ADAM2: variants seen among roughly 807,000 people sequenced by gnomAD.
ADAM2 encodes the protein ADAM metallopeptidase domain 2.
A neutral mutation model predicts 99.3 loss-of-function variants in ADAM2; 101 were observed. The observed-to-expected ratio is 1.02, with a 90% CI of 0.87 to 1.20. ADAM2 has a LOEUF of 1.20. ADAM2 is among the 50% of genes most tolerant of loss of function. ADAM2 has a pLI of 0.00. For missense variants in ADAM2, 948 were observed against 878.7 expected (o/e 1.08, Z -1.00); for synonymous variants, 323 against 287.6 (o/e 1.12, Z -1.25).
intron 6 of ADAM2, among the ~76,000 whole-genome samples, chr8:39,818,255 G>T (rs143058689): frequency 1.3e-5 from 2 of 152,106 alleles, no homozygotes; most frequent in African/African-American, 4.8e-5. Flanking sequence ...TGGATACAAG[G>T]TTAGTTTAAT....
intron 3 of ADAM2, among the ~76,000 whole-genome samples, 157 bp downstream of exon 3, chr8:39,833,787 A>C (rs972228928): frequency 7.2e-5 from 11 of 152,156 alleles, no homozygotes; most frequent in African/African-American, 2.7e-4. Context: ...AGTTCTAGGT[A>C]TGTATCATAT....
chr8:39,788,642 C>G, intron 8 of ADAM2, 27 bp downstream of exon 8: 1 of 1,511,320 alleles, frequency 6.6e-7, no homozygotes. Context: ...ACAAGAAGTG[C>G]AAAAGTACTA....
At chr8:39,788,646 A>G in intron 8 of ADAM2, 23 bp downstream of exon 8, 1 of 1,523,882 alleles carries the variant, frequency 6.6e-7, no homozygotes. Flanking sequence ...GAAGTGCAAA[A>G]GTACTAAGAA....
Position 39,786,973 on chromosome 8 carries a change from C to A in ADAM2, c.891+1G>T. ...ACTTTCTATACATAACCATACCATA[C>A]CAGAACAACACCTCCTGCATAGTTT... On this transcript the variant is annotated splice_donor_variant, in intron 10 of 20. Coordinates refer to ENST00000265708, the MANE Select transcript of ADAM2 (RefSeq NM_001464.5). LOFTEE classifies it high-confidence loss of function. 6.3e-7 allele frequency: 1 copy of A among 1,584,286 alleles called. No homozygotes were observed. Among genetic ancestry groups the A allele is most frequent in the Non-Finnish European group, 8.6e-7 (1 of 1,164,800 alleles).
At chr8:39,785,524 C>T (rs1028594059) in intron 10 of ADAM2, among the ~76,000 whole-genome samples, 7 of 152,182 alleles carry the variant, frequency 4.6e-5, no homozygotes, top group East Asian at 3.9e-4. Context: ...GGTATATACT[C>T]GAAAGAAAAT....
rs1278425946 is a variant in ADAM2, at chr8:39,761,212, C to T, written c.1577G>A (p.Gly526Asp). Residue 526 changes from glycine (G) to aspartate (D), a missense_variant, in exon 15 of 21, where the codon GGT (glycine) becomes GAT (aspartate). Transcript: ENST00000265708. ...CTGTGTGTATCCTGAATCACTTATA[C>T]CACAGTTTCCAGATACATCAGTCTT... is the stretch of plus-strand genomic sequence containing the variant. ...NSKTDVSGNC[G>D]ISDSGYTQCE... The T allele has an allele frequency of 6.2e-7, 1 of 1,603,570 alleles. No homozygotes were observed. The highest frequency in any genetic ancestry group is 1.3e-5 in the African/African-American group (1 of 74,608).
intron 18 of ADAM2, among the ~76,000 whole-genome samples, chr8:39,747,968 A>G (rs1446624952): frequency 6.6e-6 from 1 of 152,172 alleles, no homozygotes; most frequent in Non-Finnish European, 1.5e-5. Flanking sequence ...ATTACACAAC[A>G]TATTGGGAGC....
intron 6 of ADAM2, 55 bp from the exon 7 acceptor site, chr8:39,809,521 A>G: frequency 1.2e-6 from 1 of 807,332 alleles, no homozygotes; most frequent in East Asian, 2.5e-5. Flanking sequence ...AAGTATTTTT[A>G]GTGCATGTCA....
chr8:39,799,457 T>G (rs775177716), intron 7 of ADAM2, among the ~76,000 whole-genome samples: 8 of 152,218 alleles, frequency 5.3e-5, no homozygotes, highest in African/African-American at 1.9e-4. Flanking sequence ...CTTCCAATTA[T>G]GTGGTTGATT....
At chr8:39,790,913 G>T (rs1032163738) in intron 7 of ADAM2, among the ~76,000 whole-genome samples, 2 of 151,820 alleles carry the variant, frequency 1.3e-5, no homozygotes, top group African/African-American at 4.8e-5. Flanking sequence ...AATTAATAGT[G>T]CTTTTCCCCC....
At chr8:39,802,964 G>C (rs534378055) in intron 7 of ADAM2, among the ~76,000 whole-genome samples, 89 of 152,248 alleles carry the variant, frequency 5.8e-4, no homozygotes, top group South Asian at 2.1e-3. Context: ...AATTTTGCTA[G>C]TAGTTATTCT....
At chr8:39,808,518 AAC>A (rs1194481130) in intron 7 of ADAM2, among the ~76,000 whole-genome samples, 2 of 152,328 alleles carry the variant, frequency 1.3e-5, no homozygotes, top group Admixed American at 1.3e-4. Context: ...CTATAGAATT[AAC>A]ACAGTCTCTA....
At position 39,837,146 on chromosome 8, in the gene ADAM2, A is replaced by G. The variant is rs1478815498; in HGVS notation, c.122T>C (p.Ile41Thr). 3 of 1,599,720 alleles carry G rather than the reference A, an allele frequency of 1.9e-6. No individual in the cohort carries two copies. Among genetic ancestry groups the G allele is most frequent in the East Asian group, 2.2e-5 (1 of 44,534 alleles). ...TTAGTGATTCATTACCTGCGATTCAATTCCTTCCTTTATTATTGACCGTAT... is the reference window on the plus strand; with the variant it reads ...TTAGTGATTCATTACCTGCGATTCAGTTCCTTCCTTTATTATTGACCGTAT... ...EKIRSIIKEG[I>T]ESQASYKIVI... is the part of the protein sequence containing the mutation. Residue 41 changes from isoleucine (I) to threonine (T), a missense_variant, in exon 2 of 21, where the codon ATT becomes ACT. Physicochemically the swap from Ile to Thr is moderately conservative, Grantham distance 89 (BLOSUM62 -1). Coordinates refer to ENST00000265708, the MANE Select transcript of ADAM2 (RefSeq NM_001464.5).
chr8:39,804,358 G>A (rs997873815), intron 7 of ADAM2, among the ~76,000 whole-genome samples: 1 of 152,116 alleles, frequency 6.6e-6, no homozygotes, highest in Non-Finnish European at 1.5e-5. Flanking sequence ...GAAACCATAG[G>A]ATATGTGGTT....
At chr8:39,816,020 G>C (rs1285058920) in intron 6 of ADAM2, among the ~76,000 whole-genome samples, 1 of 152,104 alleles carries the variant, frequency 6.6e-6, no homozygotes, top group African/African-American at 2.4e-5. Flanking sequence ...AGGAGGTCAG[G>C]CACGGTGGCT....
At chr8:39,774,821 G>T (rs1802923722) in intron 11 of ADAM2, 1 of 151,910 alleles carries the variant, frequency 6.6e-6, no homozygotes, top group South Asian at 2.1e-4. Context: ...GCTATATTGT[G>T]GTTGAGATAA....
chr8:39,806,045 G>C lies in ADAM2; in HGVS notation c.570+3365C>G, dbSNP rs114055076. Among the ~76,000 whole-genome samples the C allele has an allele frequency of 4.5e-3, 682 of 152,298 alleles. 6 individuals are homozygous for C. Among genetic ancestry groups the C allele is most frequent in the African/African-American group, 0.015 (641 of 41,556 alleles). Reference sequence around the variant, plus strand: ...CAATTTCATGGCTGACTCACTAGTAGAGGAGATGGGAGTAAGTCCTGCAGA... The same window carrying C: ...CAATTTCATGGCTGACTCACTAGTACAGGAGATGGGAGTAAGTCCTGCAGA... On this transcript the variant is annotated intron_variant, in intron 7 of 20. Transcript: ENST00000265708.
chr8:39,775,568 A>G (rs1412612415), intron 11 of ADAM2, among the ~76,000 whole-genome samples: 1 of 152,146 alleles, frequency 6.6e-6, no homozygotes, highest in African/African-American at 2.4e-5. Flanking sequence ...TAAATCTAAT[A>G]GGACTCTATA....
intron 10 of ADAM2, among the ~76,000 whole-genome samples, chr8:39,783,058 C>T (rs1037845405): frequency 9.9e-5 from 15 of 152,038 alleles, no homozygotes; most frequent in African/African-American, 3.6e-4. Context: ...AGTTTAGATA[C>T]CCTGTATTTT....
Sources: gnomAD v4.1 joint callset for allele counts (sites outside exome capture counted in the v4.1 genomes callset) on GRCh38, gnomAD v4.1.1 for gene constraint, MANE v1.5 for transcripts, NCBI Gene and HGNC (gene_info 2026-07-23, HGNC 2026-07-21) for gene names.